PARG: variants seen among roughly 807,000 people sequenced by gnomAD.
PARG encodes poly(ADP-ribose) glycohydrolase, also known as mitochondrial poly(ADP-ribose) glycohydrolase.
A neutral mutation model predicts 113.0 loss-of-function variants in PARG; 35 were observed. The observed-to-expected ratio is 0.31, with a 90% CI of 0.24 to 0.41. The LOEUF (loss-of-function observed/expected upper bound fraction) is 0.41. Ranked by LOEUF, PARG falls within the 10% of genes least tolerant of loss-of-function variation. The pLI is 1.00. For synonymous variants in PARG, 330 were observed against 409.9 expected (o/e 0.81, Z 2.36); for missense variants, 797 against 1,169.4 (o/e 0.68, Z 4.64).
intron 15 of PARG, 66 bp from the exon 16 acceptor site, chr10:49,832,974 T>A: frequency 1.3e-6 from 1 of 774,250 alleles, no homozygotes; most frequent in Non-Finnish European, 2.1e-6. Context: ...CTGACTGATG[T>A]ACTAGGATCA....
intron 15 of PARG, among the ~76,000 whole-genome samples, chr10:49,840,860 C>T (rs1374734050): frequency 1.3e-5 from 2 of 152,182 alleles, no homozygotes; most frequent in African/African-American, 4.8e-5. Context: ...CCTCATTATC[C>T]TAATAATCTT....
At chr10:49,841,420 T>C (rs1475708136) in intron 15 of PARG, among the ~76,000 whole-genome samples, 1 of 152,120 alleles carries the variant, frequency 6.6e-6, no homozygotes, top group Non-Finnish European at 1.5e-5. Flanking sequence ...TACTGAAAAT[T>C]TGAACAACAG....
chr10:49,860,095 T>C (rs1163034656), intron 12 of PARG, among the ~76,000 whole-genome samples: 1 of 152,212 alleles, frequency 6.6e-6, no homozygotes, highest in Non-Finnish European at 1.5e-5. Context: ...TCTGTAGCAT[T>C]GCAATACAAT....
At chr10:49,858,399 C>A (rs1245465180) in intron 12 of PARG, among the ~76,000 whole-genome samples, 1 of 147,030 alleles carries the variant, frequency 6.8e-6, no homozygotes, top group Non-Finnish European at 1.5e-5. Flanking sequence ...GTCATACACA[C>A]AAGTAAAATA....
chr10:49,937,349 G>A (rs1358824560), intron 1 of PARG, among the ~76,000 whole-genome samples: 1 of 151,968 alleles, frequency 6.6e-6, no homozygotes, highest in Non-Finnish European at 1.5e-5. Flanking sequence ...GGTGGCGGGC[G>A]CCTGTAGTCC....
chr10:49,927,284 C>A (rs1400399287), intron 4 of PARG, among the ~76,000 whole-genome samples: 1 of 146,400 alleles, frequency 6.8e-6, no homozygotes, highest in Admixed American at 7.0e-5. Flanking sequence ...TCCAGCCTGG[C>A]GACAGAGCAA....
intron 1 of PARG, among the ~76,000 whole-genome samples, chr10:49,937,632 C>T (rs1446771209): frequency 1.3e-5 from 2 of 152,178 alleles, no homozygotes; most frequent in East Asian, 1.9e-4. Flanking sequence ...GAAGCACGTA[C>T]TCCTGTGATA....
chr10:49,835,978 C>T (rs998573164), intron 15 of PARG, among the ~76,000 whole-genome samples: 1 of 152,086 alleles, frequency 6.6e-6, no homozygotes, highest in Non-Finnish European at 1.5e-5. Context: ...GTAACACACT[C>T]GACTGGTTTG....
chr10:49,940,155 TC>T lies in PARG; in HGVS notation c.217+1353del, dbSNP rs1838956641. Among the ~76,000 whole-genome samples, 3 of 151,796 alleles carry T rather than the reference TC, an allele frequency of 2.0e-5. No homozygotes were observed. The South Asian group carries it at 6.3e-4, about 32-fold the overall frequency. ...GCACAGAAATATTTCTTCTCAAGTA[TC>T]CCATTCTTTCATGAATCCATCCCCT... is the stretch of plus-strand genomic sequence containing the variant. On this transcript the variant is annotated intron_variant, in intron 1 of 17. Transcript: ENST00000616448.
chr10:49,843,441 TC>T, intron 14 of PARG, 112 bp downstream of exon 14: 1 of 711,700 alleles, frequency 1.4e-6, no homozygotes, highest in East Asian at 2.7e-5. Flanking sequence ...TTTTCTTTTT[TC>T]TTTTTAAGTT....
chr10:49,902,610 G>A (rs1465690684), intron 7 of PARG, among the ~76,000 whole-genome samples: 2 of 152,086 alleles, frequency 1.3e-5, no homozygotes, highest in Non-Finnish European at 2.9e-5. Context: ...ATTAGATTGA[G>A]CACTGTGAAA....
At chr10:49,920,463 A>AAAAAAATATATAT in intron 6 of PARG, among the ~76,000 whole-genome samples, 1 of 47,986 alleles carries the variant, frequency 2.1e-5, no homozygotes, top group African/African-American at 5.0e-5. Flanking sequence ...AAAAAAAAAA[A>AAAAAAATATATAT]ATATATATAT....
Position 49,865,468 on chromosome 10 carries a change from C to A in PARG, c.2069-87G>T, listed in dbSNP as rs1351986582. The A allele has an allele frequency of 1.7e-5, 9 of 544,046 alleles. No homozygotes were observed. The African/African-American group carries it at 1.9e-4, about 12-fold the overall frequency. 33.7% of individuals were successfully genotyped at this position (544,046 alleles called of 1,614,324 possible). A position where few individuals can be genotyped will look rare whatever the true frequency, so the allele number is the denominator to read the frequency against. Reference sequence around the variant, plus strand: ...ACACACACACACACACACACACACACACACACACACACACACTCGGTAAAA... The same window carrying A: ...ACACACACACACACACACACACACAAACACACACACACACACTCGGTAAAA... On this transcript the variant is annotated intron_variant, in intron 10 of 17. Coordinates refer to ENST00000616448, the MANE Select transcript of PARG (RefSeq NM_003631.5).
In PARG at chr10:49,915,890, T is replaced by C. The variant is rs563457949; in HGVS notation, c.1737+27A>G. ...TTCTTATTGAGTTGTCAATAATATTTTCATAAAGAAATAAGGATACTTTTA... is the reference window on the plus strand; with the variant it reads ...TTCTTATTGAGTTGTCAATAATATTCTCATAAAGAAATAAGGATACTTTTA... On this transcript the variant is annotated intron_variant, in intron 7 of 17. Coordinates refer to ENST00000616448, the MANE Select transcript of PARG (RefSeq NM_003631.5). 76 of 1,233,058 alleles carry C rather than the reference T, an allele frequency of 6.2e-5. No homozygotes were observed. In the African/African-American group the frequency reaches 1.0e-3, roughly 16 times the overall value. The allele number at this position is 1,233,058 out of a possible 1,614,324, so 76.4% of individuals were successfully genotyped here. A position where few individuals can be genotyped will look rare whatever the true frequency, so the allele number is the denominator to read the frequency against.
intron 8 of PARG, among the ~76,000 whole-genome samples, chr10:49,883,556 T>C (rs1262601204): frequency 2.0e-5 from 3 of 147,870 alleles, no homozygotes; most frequent in East Asian, 4.0e-4. Flanking sequence ...TTCAGCACCA[T>C]GGGAGGCAAA....
intron 4 of PARG, among the ~76,000 whole-genome samples, chr10:49,929,615 G>A (rs1427323446): frequency 2.0e-5 from 3 of 152,182 alleles, no homozygotes; most frequent in African/African-American, 7.2e-5. Flanking sequence ...ATCACCTGAG[G>A]TCGGGAGTTT....
intron 12 of PARG, among the ~76,000 whole-genome samples, chr10:49,859,147 G>A (rs1344912471): frequency 7.0e-6 from 1 of 142,858 alleles, no homozygotes; most frequent in East Asian, 2.2e-4. Context: ...AAGGACACAG[G>A]GCAAAAAAAA....
chr10:49,928,913 A>ATTCAGGG (rs1838351161), intron 4 of PARG, among the ~76,000 whole-genome samples: 1 of 152,236 alleles, frequency 6.6e-6, no homozygotes, highest in African/African-American at 2.4e-5. Context: ...TTATTATCAT[A>ATTCAGGG]TTCAGGAATA....
intron 13 of PARG, among the ~76,000 whole-genome samples, chr10:49,855,315 CAAG>C (rs1461616915): frequency 1.2e-5 from 1 of 84,412 alleles, no homozygotes; most frequent in Non-Finnish European, 2.3e-5. Flanking sequence ...GCCTCAGGAA[CAAG>C]AAGAATAAAG....
Sources: gnomAD v4.1 joint callset for allele counts (sites outside exome capture counted in the v4.1 genomes callset) on GRCh38, gnomAD v4.1.1 for gene constraint, MANE v1.5 for transcripts, NCBI Gene and HGNC (gene_info 2026-07-23, HGNC 2026-07-21) for gene names.